Variants in MANEA observed in about 807,000 individuals in gnomAD.
MANEA encodes the protein glycoprotein endo-alpha-1,2-mannosidase.
Under a neutral mutation model 36.8 loss-of-function variants are expected in MANEA, and 25 were observed. The ratio of observed to expected loss-of-function variants is 0.68; its 90% confidence interval spans 0.50 to 0.95. The LOEUF is 0.95. Ranked by LOEUF, MANEA falls within the 40% of genes least tolerant of loss-of-function variation. The pLI is 0.00. For synonymous variants in MANEA, 198 were observed against 188.5 expected, an observed-to-expected ratio of 1.05 and a Z score of -0.41; for missense variants, 565 against 558.8, an observed-to-expected ratio of 1.01 and a Z score of -0.11.
At chr6:95,594,957 C>T (rs901712597) in intron 2 of MANEA, among the ~76,000 whole-genome samples, 7 of 152,078 alleles carry the variant, frequency 4.6e-5, no homozygotes, top group South Asian at 4.1e-4. Context: ...ATTTTCTCCC[C>T]GTGTTTTATA....
Position 95,605,990 on chromosome 6 carries a change from C to G in MANEA, c.974C>G (p.Ala325Gly), listed in dbSNP as rs2127946245. 6.2e-7 allele frequency: 1 copy of G among 1,613,896 alleles called. No individual in the cohort carries two copies. The highest frequency in any genetic ancestry group is 8.5e-7 in the Non-Finnish European group (1 of 1,179,944). The change falls in exon 5 of 5, where the codon GCC becomes GGC. Residue 325 changes from alanine to glycine, a missense_variant. Coordinates refer to ENST00000358812, the MANE Select transcript of MANEA (RefSeq NM_024641.4). The part of the protein sequence containing the change: ...SGFDGIYTYF[A>G]TNGFTYGSSH... ...TTTGATGGAATTTACACATATTTTG[C>G]CACAAATGGCTTTACTTATGGCTCA...
In MANEA at chr6:95,586,679, A is replaced by G. The variant is rs764331251; in HGVS notation, c.240A>G (p.Glu80=). The G allele has an allele frequency of 1.2e-6, 2 of 1,614,038 alleles. No homozygotes were observed. The highest frequency in any genetic ancestry group is 1.7e-6 in the Non-Finnish European group (2 of 1,179,962). The change falls in exon 2 of 5, where the codon GAA becomes GAG. Residue 80 remains glutamate (E), a synonymous_variant. Transcript: ENST00000358812. ...ETNTKNLKSV[E]ITMKPSKASE... ...ATACCAAGAATTTAAAAAGTGTTGA[A>G]ATCACTATGAAACCTTCCAAAGCCT...
At chr6:95,603,689 C>T (rs1562200909) in intron 3 of MANEA, among the ~76,000 whole-genome samples, 2 of 151,932 alleles carry the variant, frequency 1.3e-5, no homozygotes, top group Admixed American at 6.5e-5. Context: ...TCCATAAATA[C>T]ATCATAGAGC....
chr6:95,605,229 G>A (rs1278248942), intron 4 of MANEA, among the ~76,000 whole-genome samples: 2 of 151,980 alleles, frequency 1.3e-5, no homozygotes, highest in African/African-American at 4.8e-5. Flanking sequence ...TAAAAAGAAG[G>A]TTCAGATTAT....
At chr6:95,583,916 C>G (rs1409619593) in intron 1 of MANEA, among the ~76,000 whole-genome samples, 1 of 152,082 alleles carries the variant, frequency 6.6e-6, no homozygotes, top group African/African-American at 2.4e-5. Flanking sequence ...TTTAGTGTTT[C>G]TTAAATACAT....
chr6:95,578,167 C>G (rs1016588410), intron 1 of MANEA, among the ~76,000 whole-genome samples: 4 of 152,166 alleles, frequency 2.6e-5, no homozygotes, highest in Admixed American at 2.6e-4. Context: ...GGCGAGGCCG[C>G]TAGAGATGGT....
intron 2 of MANEA, among the ~76,000 whole-genome samples, chr6:95,588,508 T>C (rs1373308909): frequency 6.6e-6 from 1 of 152,028 alleles, no homozygotes; most frequent in Non-Finnish European, 1.5e-5. Context: ...CATTGACTTC[T>C]GTGTGGTCAA....
chr6:95,607,809 T>G lies in MANEA; in HGVS notation c.*1404T>G, dbSNP rs1023731046. 1 of 151,612 alleles carries G rather than the reference T, an allele frequency of 6.6e-6. No homozygotes were observed. Among genetic ancestry groups the G allele is most frequent in the South Asian group, 2.1e-4 (1 of 4,820 alleles). The allele number at this position is 151,612 out of a possible 1,614,324, so 9.4% of individuals were successfully genotyped here. On this transcript the variant is annotated 3_prime_UTR_variant, in exon 5 of 5. Coordinates refer to ENST00000358812, the MANE Select transcript of MANEA (RefSeq NM_024641.4). ...TATTACATAAATGTTATTTCTTAGG[T>G]GTTCCATTAAGAAGAGCAATAGAAT...
At chr6:95,604,335 C>A (rs1464848917) in intron 3 of MANEA, among the ~76,000 whole-genome samples, 2 of 151,776 alleles carry the variant, frequency 1.3e-5, no homozygotes, top group South Asian at 4.2e-4. Flanking sequence ...TTTTTCTGGA[C>A]CATATTTTTT....
At chr6:95,602,787 G>A (rs1413478485) in intron 3 of MANEA, among the ~76,000 whole-genome samples, 3 of 151,412 alleles carry the variant, frequency 2.0e-5, no homozygotes, top group Admixed American at 6.6e-5. Flanking sequence ...TTGGGAGGCC[G>A]AGGCGGGTGG....
chr6:95,603,321 G>A (rs1000241231), intron 3 of MANEA, among the ~76,000 whole-genome samples: 5 of 151,846 alleles, frequency 3.3e-5, no homozygotes, highest in African/African-American at 9.7e-5. Context: ...AATTACCCAA[G>A]GAAACATTAT....
At chr6:95,590,262 G>A (rs1388248848) in intron 2 of MANEA, 4 of 152,132 alleles carry the variant, frequency 2.6e-5, no homozygotes, top group Admixed American at 6.6e-5. Context: ...AAAACATAAT[G>A]TACTCTATGA....
intron 2 of MANEA, among the ~76,000 whole-genome samples, chr6:95,591,749 G>A (rs1401520201): frequency 6.6e-6 from 1 of 152,116 alleles, no homozygotes; most frequent in Non-Finnish European, 1.5e-5. Flanking sequence ...CCAGGCTGGA[G>A]TGCAGTGGCC....
intron 3 of MANEA, among the ~76,000 whole-genome samples, chr6:95,599,750 T>G (rs1769553917): frequency 1.3e-5 from 2 of 152,200 alleles, no homozygotes; most frequent in African/African-American, 2.4e-5. Context: ...TTTTTTTATT[T>G]CTGTCCATAA....
chr6:95,598,251 T>C (rs1769517121), intron 3 of MANEA, among the ~76,000 whole-genome samples: 1 of 152,156 alleles, frequency 6.6e-6, no homozygotes, highest in South Asian at 2.1e-4. Flanking sequence ...ATTCCAAAAC[T>C]TGGTAGCTTA....
chr6:95,605,678 TA>T, intron 4 of MANEA, 69 bp from the exon 5 acceptor site: 1 of 1,148,504 alleles, frequency 8.7e-7, no homozygotes, highest in Non-Finnish European at 1.3e-6. Flanking sequence ...TCATTTTCAG[TA>T]AACAGTTTTT....
chr6:95,603,026 C>CAA lies in MANEA; in HGVS notation c.655-1776_655-1775dup, dbSNP rs67486139. ...TGGGCGACAGAGCGAGACTCCGTCTCAAAAAAAAAAAAAAAAAAAAAAAAA... is the reference window on the plus strand; with the variant it reads ...TGGGCGACAGAGCGAGACTCCGTCTCAAAAAAAAAAAAAAAAAAAAAAAAAAA... On this transcript the variant is annotated intron_variant, in intron 3 of 4. Coordinates refer to ENST00000358812, the MANE Select transcript of MANEA (RefSeq NM_024641.4). Among the ~76,000 whole-genome samples, 74 of 63,372 alleles carry CAA rather than the reference C, an allele frequency of 1.2e-3. 1 individual carries two copies. The highest frequency in any genetic ancestry group is 2.4e-3 in the African/African-American group (34 of 14,134). The allele number at this position is 63,372 out of a possible 152,430, so 41.6% of individuals were successfully genotyped here. A position where few individuals can be genotyped will look rare whatever the true frequency, so the allele number is the denominator to read the frequency against.
rs992270080 is a variant in MANEA, at chr6:95,607,980, T to C, written c.*1575T>C. 6 of 151,892 alleles carry C rather than the reference T, an allele frequency of 4.0e-5. No individual in the cohort carries two copies. The highest frequency in any genetic ancestry group is 1.4e-4 in the African/African-American group (6 of 41,440). The allele number at this position is 151,892 out of a possible 1,614,324, so 9.4% of individuals were successfully genotyped here. ...AGTGGTTTTGACACAAATTATGTTA[T>C]TGAAAAGCATTATTAATGTTTAATT... On this transcript the variant is annotated 3_prime_UTR_variant, in exon 5 of 5. Transcript: ENST00000358812.
intron 2 of MANEA, among the ~76,000 whole-genome samples, chr6:95,590,554 GAATT>G (rs1769368210): frequency 2.0e-5 from 3 of 152,128 alleles, no homozygotes; most frequent in African/African-American, 7.2e-5. Context: ...ACAATGAGAT[GAATT>G]AGACACATAA....
Sources: allele counts gnomAD v4.1 joint callset (sites outside exome capture counted in the v4.1 genomes callset), GRCh38; gene constraint gnomAD v4.1.1; transcripts MANE v1.5; gene names NCBI Gene and HGNC (gene_info 2026-07-23, HGNC 2026-07-21).